The following SRSF8 variants were observed in gnomAD, a reference collection of about 807,000 sequenced individuals.
The protein encoded by SRSF8 is serine and arginine rich splicing factor 8.
SRSF8 carries 3 observed loss-of-function variants against 2.0 expected under a neutral mutation model. The observed-to-expected ratio is 1.47, with a 90% CI of 0.67 to 3.79. The LOEUF is 3.79. Among genes scored for constraint, SRSF8 ranks in the 30% most tolerant of loss-of-function variants. SRSF8 has a pLI of 0.02. For synonymous variants in SRSF8, 162 were observed against 170.7 expected, an observed-to-expected ratio of 0.95 and a Z score of 0.40; for missense variants, 408 against 410.9, an observed-to-expected ratio of 0.99 and a Z score of 0.06.
rs782409298 is a variant in SRSF8, at chr11:95,067,192, G to A, written c.-35G>A. On this transcript the variant is annotated 5_prime_UTR_variant, in exon 1 of 1. Transcript: ENST00000587424. ...GGTCGCACCGTCAGCGCCCAGAGCA[G>A]CGCCAGTTTCCGGGCCCGGGCTGCT... is the stretch of plus-strand genomic sequence containing the variant. 3 of 1,420,480 alleles carry A rather than the reference G, an allele frequency of 2.1e-6. No individual in the cohort carries two copies. The South Asian group carries it at 4.7e-5, about 22-fold the overall frequency. 88.0% of individuals were successfully genotyped at this position (1,420,480 alleles called of 1,614,324 possible).
chr11:95,067,065 G>T lies in SRSF8; in HGVS notation c.-162G>T. 1.7e-6 allele frequency: 1 copy of T among 602,768 alleles called. No homozygotes were observed. Among genetic ancestry groups the T allele is most frequent in the South Asian group, 3.4e-5 (1 of 29,302 alleles). The allele number at this position is 602,768 out of a possible 1,614,324, so 37.3% of individuals were successfully genotyped here. A position where few individuals can be genotyped will look rare whatever the true frequency, so the allele number is the denominator to read the frequency against. Reference sequence around the variant, plus strand: ...TTGGCCTGAAATTGGGAACTCGGAAGTTGCTGCTCCAGGGCGCTCCCTGCG... The same window carrying T: ...TTGGCCTGAAATTGGGAACTCGGAATTTGCTGCTCCAGGGCGCTCCCTGCG... On this transcript the variant is annotated 5_prime_UTR_variant, in exon 1 of 1. Transcript: ENST00000587424.
At position 95,067,928 on chromosome 11, in the gene SRSF8, C is replaced by T; in HGVS notation, c.702C>T (p.Ser234=). 6.2e-7 allele frequency: 1 copy of T among 1,614,026 alleles called. No homozygotes were observed. Among genetic ancestry groups the T allele is most frequent in the South Asian group, 1.1e-5 (1 of 91,082 alleles). ...CGAGCTCTGCGCGACGATCCAAGTC[C>T]TCCTCGGTCTCCAGGTCTCGCTCGC... ...SKSSSARRSK[S]SSVSRSRSRS... Residue 234 remains serine (S), a synonymous_variant, in exon 1 of 1, where the codon TCC becomes TCT. Transcript: ENST00000587424.
At position 95,070,274 on chromosome 11, in the gene SRSF8, A is replaced by C. The variant is rs1255920134; in HGVS notation, c.*2199A>C. On this transcript the variant is annotated 3_prime_UTR_variant, in exon 1 of 1. Transcript: ENST00000587424. The stretch of plus-strand genomic sequence containing the variant: ...ATCCCAGCTACTCGGAGGCTGAGGC[A>C]GGATAATCGCTTGAAACCGGGAGAC... 1 of 149,746 alleles carries C rather than the reference A, an allele frequency of 6.7e-6. No homozygotes were observed. The allele number at this position is 149,746 out of a possible 1,614,324, so 9.3% of individuals were successfully genotyped here. A position where few individuals can be genotyped will look rare whatever the true frequency, so the allele number is the denominator to read the frequency against.
chr11:95,068,253 T>A lies in SRSF8; in HGVS notation c.*178T>A. 1.6e-6 allele frequency: 1 copy of A among 634,074 alleles called. No individual in the cohort carries two copies. Among genetic ancestry groups the A allele is most frequent in the Non-Finnish European group, 2.8e-6 (1 of 359,478 alleles). 39.3% of individuals were successfully genotyped at this position (634,074 alleles called of 1,614,324 possible). On this transcript the variant is annotated 3_prime_UTR_variant, in exon 1 of 1. Transcript: ENST00000587424. ...ATCAGGTGGCAAAATTCATTCTATG[T>A]GCCGTTTTGTTGTTATTCACATTTT... is the stretch of plus-strand genomic sequence containing the variant.
Position 95,067,832 on chromosome 11 carries a change from A to C in SRSF8, c.606A>C (p.Arg202=), listed in dbSNP as rs1555107201. 1 of 1,613,980 alleles carries C rather than the reference A, an allele frequency of 6.2e-7. No homozygotes were observed. The highest frequency in any genetic ancestry group is 8.5e-7 in the Non-Finnish European group (1 of 1,179,880). Residue 202 remains arginine, a synonymous_variant, in exon 1 of 1, where the codon CGA becomes CGC. Transcript: ENST00000587424. ...GTTACAGTAACTCTCGCTACAGCCG[A>C]TATCACAGCAGCCGGTCTCACTCGA... ...SSGYSNSRYS[R]YHSSRSHSKS... is the part of the protein sequence containing the mutation.
rs560758755 is a variant in SRSF8, at chr11:95,067,592, G to A, written c.366G>A (p.Gly122=). ...GGYGRRSRSY[G]RRSRSPRRRH... ...ACGGACGGCGGAGCCGCAGCTACGGGCGGCGGAGCCGCAGCCCCAGGCGGC... is the reference window on the plus strand; with the variant it reads ...ACGGACGGCGGAGCCGCAGCTACGGACGGCGGAGCCGCAGCCCCAGGCGGC... The change falls in exon 1 of 1, where the codon GGG becomes GGA. Residue 122 remains glycine (G), a synonymous_variant. Transcript: ENST00000587424. 13 of 1,486,638 alleles carry A rather than the reference G, an allele frequency of 8.7e-6. No individual in the cohort carries two copies. The highest frequency in any genetic ancestry group is 1.1e-5 in the Non-Finnish European group (12 of 1,097,688). The allele number at this position is 1,486,638 out of a possible 1,614,324, so 92.1% of individuals were successfully genotyped here. A position where few individuals can be genotyped will look rare whatever the true frequency, so the allele number is the denominator to read the frequency against.
rs1004931293 is a variant in SRSF8, at chr11:95,067,753, G to T, written c.527G>T (p.Ser176Ile). 7 of 1,614,032 alleles carry T rather than the reference G, an allele frequency of 4.3e-6. No individual in the cohort carries two copies. In the East Asian group the frequency reaches 1.6e-4, roughly 36 times the overall value. ...SRSRYSRSPYSRSRYRESRYG... is the reference protein window; with the variant it reads ...SRSRYSRSPYIRSRYRESRYG... ...TCGCGCTACAGCCGCTCTCCCTACAGCAGATCTCGCTACAGGGAATCTCGC... is the reference window on the plus strand; with the variant it reads ...TCGCGCTACAGCCGCTCTCCCTACATCAGATCTCGCTACAGGGAATCTCGC... The change falls in exon 1 of 1, where the codon AGC (serine) becomes ATC (isoleucine). Residue 176 changes from serine (S) to isoleucine (I), a missense_variant. This residue lies in a region of SRSF8 where 346 missense variants were observed against 316.5 expected (regional missense o/e 1.09). Coordinates refer to ENST00000587424, the MANE Select transcript of SRSF8 (RefSeq NM_032102.4).
Position 95,067,585 on chromosome 11 carries a change from G to C in SRSF8, c.359G>C (p.Ser120Thr), listed in dbSNP as rs1224626584. The change falls in exon 1 of 1, where the codon AGC becomes ACC. Residue 120 changes from serine to threonine, a missense_variant. Ser to Thr is a moderately conservative substitution (Grantham distance 58). Coordinates refer to ENST00000587424, the MANE Select transcript of SRSF8 (RefSeq NM_032102.4). ...RGGGYGRRSR[S>T]YGRRSRSPRR... The stretch of plus-strand genomic sequence containing the variant: ...GGCGGCTACGGACGGCGGAGCCGCA[G>C]CTACGGGCGGCGGAGCCGCAGCCCC... The C allele has an allele frequency of 6.7e-7, 1 of 1,484,650 alleles. No individual in the cohort carries two copies. The highest frequency in any genetic ancestry group is 2.0e-5 in the Admixed American group (1 of 50,186). 92.0% of individuals were successfully genotyped at this position (1,484,650 alleles called of 1,614,324 possible).
chr11:95,066,879 G>T (rs1327342525), upstream of SRSF8, among the ~76,000 whole-genome samples: 4 of 152,214 alleles, frequency 2.6e-5, no homozygotes, highest in African/African-American at 9.6e-5. Context: ...GGAGGAGCAT[G>T]GGAGGGTGGG....
At position 95,067,938 on chromosome 11, in the gene SRSF8, T is replaced by C; in HGVS notation, c.712T>C (p.Ser238Pro). 1 of 1,614,040 alleles carries C rather than the reference T, an allele frequency of 6.2e-7. No individual in the cohort carries two copies. The highest frequency in any genetic ancestry group is 1.1e-5 in the South Asian group (1 of 91,076). The part of the protein sequence containing the change: ...SARRSKSSSV[S>P]RSRSRSRSSS... ...GCGACGATCCAAGTCCTCCTCGGTC[T>C]CCAGGTCTCGCTCGCGGTCCAGGTC... The change falls in exon 1 of 1, where the codon TCC becomes CCC. Residue 238 changes from serine (S) to proline (P), a missense_variant. This residue lies in a region of SRSF8 where 346 missense variants were observed against 316.5 expected (regional missense o/e 1.09). Coordinates refer to ENST00000587424, the MANE Select transcript of SRSF8 (RefSeq NM_032102.4).
Position 95,067,641 on chromosome 11 carries a change from C to A in SRSF8, c.415C>A (p.Pro139Thr), listed in dbSNP as rs1555107124. Residue 139 changes from proline (P) to threonine (T), a missense_variant, in exon 1 of 1, where the codon CCC (proline) becomes ACC (threonine). Transcript: ENST00000587424. ...RRRHRSRSRG[P>T]SCSRSRSRSR... ...GCGACACCGCAGCCGATCCCGGGGTCCCAGCTGCTCCAGGTCCCGCAGCCG... is the reference window on the plus strand; with the variant it reads ...GCGACACCGCAGCCGATCCCGGGGTACCAGCTGCTCCAGGTCCCGCAGCCG... 3 of 1,598,924 alleles carry A rather than the reference C, an allele frequency of 1.9e-6. No homozygotes were observed. Among genetic ancestry groups the A allele is most frequent in the African/African-American group, 2.7e-5 (2 of 74,642 alleles).
chr11:95,067,126 C>A lies in SRSF8; in HGVS notation c.-101C>A. The stretch of plus-strand genomic sequence containing the variant: ...GCCCGCCTCTCCGCCCGGCCTTTCC[C>A]GGCGTCCCCACGCGGGGCGCAACCG... On this transcript the variant is annotated 5_prime_UTR_variant, in exon 1 of 1. Transcript: ENST00000587424. 1 of 1,197,612 alleles carries A rather than the reference C, an allele frequency of 8.3e-7. No homozygotes were observed. Among genetic ancestry groups the A allele is most frequent in the Non-Finnish European group, 1.1e-6 (1 of 909,812 alleles). 74.2% of individuals were successfully genotyped at this position (1,197,612 alleles called of 1,614,324 possible).
In SRSF8 at chr11:95,066,928, G is replaced by T. The variant is rs1253686063; in HGVS notation, c.-299G>T. On this transcript the variant is annotated 5_prime_UTR_variant, in exon 1 of 1. Transcript: ENST00000587424. ...ATCCAGCCCAGTGATTACATTAGCT[G>T]GGCGCTGATTAGGTTAGGATGTTGC... Among the ~76,000 whole-genome samples, 1 of 152,256 alleles carries T rather than the reference G, an allele frequency of 6.6e-6. No homozygotes were observed. Among genetic ancestry groups the T allele is most frequent in the Non-Finnish European group, 1.5e-5 (1 of 68,046 alleles).
rs782059072 is a variant in SRSF8, at chr11:95,067,830, C to A, written c.604C>A (p.Arg202=). 6.2e-7 allele frequency: 1 copy of A among 1,613,896 alleles called. No homozygotes were observed. Among genetic ancestry groups the A allele is most frequent in the African/African-American group, 1.3e-5 (1 of 74,922 alleles). ...SSGYSNSRYS[R]YHSSRSHSKS... is the part of the protein sequence containing the mutation. Reference sequence around the variant, plus strand: ...TGGTTACAGTAACTCTCGCTACAGCCGATATCACAGCAGCCGGTCTCACTC... The same window carrying A: ...TGGTTACAGTAACTCTCGCTACAGCAGATATCACAGCAGCCGGTCTCACTC... Residue 202 remains arginine, a synonymous_variant, in exon 1 of 1, where the codon CGA becomes AGA. Transcript: ENST00000587424.
rs377565485 is a variant in SRSF8 at position 95,067,804 on chromosome 11, C to A, written c.578C>A (p.Ser193Tyr). 8.7e-6 allele frequency: 14 copies of A among 1,614,068 alleles called. No homozygotes were observed. Among genetic ancestry groups the A allele is most frequent in the South Asian group, 1.1e-5 (1 of 91,090 alleles). ...SRYGGSHYSS[S>Y]GYSNSRYSRY... ...TACGGCGGATCTCACTACAGCTCAT[C>A]TGGTTACAGTAACTCTCGCTACAGC... Residue 193 changes from serine (S) to tyrosine (Y), a missense_variant, in exon 1 of 1, where the codon TCT becomes TAT. This residue lies in a region of SRSF8 where 346 missense variants were observed against 316.5 expected (regional missense o/e 1.09). Coordinates refer to ENST00000587424, the MANE Select transcript of SRSF8 (RefSeq NM_032102.4).
rs1439578753 is a variant in SRSF8 at position 95,070,036 on chromosome 11, TATG to T, written c.*1965_*1967del. 6.0e-6 allele frequency: 1 copy of T among 166,936 alleles called. No homozygotes were observed. Among genetic ancestry groups the T allele is most frequent in the African/African-American group, 2.4e-5 (1 of 41,396 alleles). 10.3% of individuals were successfully genotyped at this position (166,936 alleles called of 1,614,324 possible). A position where few individuals can be genotyped will look rare whatever the true frequency, so the allele number is the denominator to read the frequency against. On this transcript the variant is annotated 3_prime_UTR_variant, in exon 1 of 1. Transcript: ENST00000587424. ...TAGAACATCTTAAACGTGACCAAAA[TATG>T]ATGTTAAAATCAGCAACTCTTTATA...
rs965650824 is a variant in SRSF8, at chr11:95,069,790, G to A, written c.*1715G>A. On this transcript the variant is annotated 3_prime_UTR_variant, in exon 1 of 1. Transcript: ENST00000587424. ...TACGTAGAATCCAAAGACACACACA[G>A]AGCAGTCCTGTCTGAGAAATAAAAA... The A allele has an allele frequency of 6.0e-6, 1 of 167,026 alleles. No individual in the cohort carries two copies. Among genetic ancestry groups the A allele is most frequent in the Admixed American group, 6.5e-5 (1 of 15,276 alleles). 10.3% of individuals were successfully genotyped at this position (167,026 alleles called of 1,614,324 possible). A position where few individuals can be genotyped will look rare whatever the true frequency, so the allele number is the denominator to read the frequency against.
In SRSF8 at chr11:95,067,133, C is replaced by A; in HGVS notation, c.-94C>A. ...TCTCCGCCCGGCCTTTCCCGGCGTC[C>A]CCACGCGGGGCGCAACCGCGAGAAA... On this transcript the variant is annotated 5_prime_UTR_variant, in exon 1 of 1. Transcript: ENST00000587424. 3 of 1,241,462 alleles carry A rather than the reference C, an allele frequency of 2.4e-6. No individual in the cohort carries two copies. The highest frequency in any genetic ancestry group is 3.2e-5 in the East Asian group (1 of 31,704). 76.9% of individuals were successfully genotyped at this position (1,241,462 alleles called of 1,614,324 possible).
chr11:95,067,968 T>C lies in SRSF8; in HGVS notation c.742T>C (p.Ser248Pro), dbSNP rs1273733050. ...GTCTCGCTCGCGGTCCAGGTCTTCA[T>C]CTATGACCAGGAGTCCTCCCCGGGT... ...SRSRSRSRSS[S>P]MTRSPPRVSK... Residue 248 changes from serine to proline, a missense_variant, in exon 1 of 1, where the codon TCT (serine) becomes CCT (proline). Physicochemically the swap from Ser to Pro is moderately conservative, Grantham distance 74 (BLOSUM62 -1). Transcript: ENST00000587424. 1.4e-5 allele frequency: 22 copies of C among 1,613,884 alleles called. No individual in the cohort carries two copies. Among genetic ancestry groups the C allele is most frequent in the Non-Finnish European group, 1.8e-5 (21 of 1,179,900 alleles).
Sources: allele counts gnomAD v4.1 joint callset (sites outside exome capture counted in the v4.1 genomes callset), GRCh38; gene constraint gnomAD v4.1.1; regional missense constraint gnomAD v4.1.1; transcripts MANE v1.5; gene names NCBI Gene and HGNC (gene_info 2026-07-23, HGNC 2026-07-21).